Variants in ASB5 observed in about 807,000 individuals in gnomAD.
The protein encoded by ASB5 is ankyrin repeat and SOCS box protein 5.
Under a neutral mutation model 42.1 loss-of-function variants are expected in ASB5, and 45 were observed. The ratio of observed to expected loss-of-function variants is 1.07; its 90% confidence interval spans 0.84 to 1.37. The LOEUF is 1.37. Among genes scored for constraint, ASB5 ranks in the 40% most tolerant of loss-of-function variants. The pLI is 0.00. For synonymous variants in ASB5, 147 were observed against 150.6 expected (o/e 0.98, Z 0.18); for missense variants, 402 against 399.8 (o/e 1.01, Z -0.05).
Position 176,248,555 on chromosome 4 carries a change from C to T in ASB5, c.196+20358G>A, listed in dbSNP as rs114422235. Among the ~76,000 whole-genome samples the T allele has an allele frequency of 3.9e-3, 592 of 152,142 alleles. 6 individuals carry two copies. Among genetic ancestry groups the T allele is most frequent in the African/African-American group, 0.014 (569 of 41,500 alleles). On this transcript the variant is annotated intron_variant, in intron 1 of 6. Coordinates refer to ENST00000296525, the MANE Select transcript of ASB5 (RefSeq NM_080874.4). The stretch of plus-strand genomic sequence containing the variant: ...ACTGGAGATACACAGGCCCTATGAC[C>T]TGGAAATTTCACTTCTAGAGCTATA...
At chr4:176,254,404 A>G (rs748333509) in intron 1 of ASB5, among the ~76,000 whole-genome samples, 2 of 152,184 alleles carry the variant, frequency 1.3e-5, no homozygotes, top group African/African-American at 2.4e-5. Flanking sequence ...ACATACAAAA[A>G]TTAATTCAAA....
In ASB5 at chr4:176,221,239, G is replaced by T. The variant is rs906434029; in HGVS notation, c.586C>A (p.Gln196Lys). 6.2e-7 allele frequency: 1 copy of T among 1,614,060 alleles called. No homozygotes were observed. Among genetic ancestry groups the T allele is most frequent in the Non-Finnish European group, 8.5e-7 (1 of 1,179,984 alleles). The change falls in exon 5 of 7, where the codon CAA (glutamine) becomes AAA (lysine). Residue 196 changes from glutamine to lysine, a missense_variant. By Grantham distance (53) the Gln-to-Lys change is moderately conservative. Transcript: ENST00000296525. ...ILISWGIDVDQEIPHLGTPLY... is the reference protein window; with the variant it reads ...ILISWGIDVDKEIPHLGTPLY... ...GGAGTTCCCAAATGAGGAATTTCTTGGTCAACATCTATGCCCCAGGATATC... is the reference window on the plus strand; with the variant it reads ...GGAGTTCCCAAATGAGGAATTTCTTTGTCAACATCTATGCCCCAGGATATC...
chr4:176,241,890 T>A (rs1158086503), intron 1 of ASB5, among the ~76,000 whole-genome samples: 3 of 151,886 alleles, frequency 2.0e-5, no homozygotes. Flanking sequence ...GGGAAAAAAA[T>A]CATGAACGTG....
intron 1 of ASB5, among the ~76,000 whole-genome samples, chr4:176,261,622 G>T (rs1472683805): frequency 6.6e-6 from 1 of 152,012 alleles, no homozygotes; most frequent in Non-Finnish European, 1.5e-5. Flanking sequence ...AACCAAATAT[G>T]TTCTGCCTTT....
intron 1 of ASB5, among the ~76,000 whole-genome samples, chr4:176,244,975 A>G (rs972735580): frequency 6.6e-6 from 1 of 152,112 alleles, no homozygotes; most frequent in African/African-American, 2.4e-5. Context: ...AACAGCAACA[A>G]TAACAAAAAA....
At chr4:176,274,429 A>G (rs1305311555) in intron 2 of ASB5, among the ~76,000 whole-genome samples, 1 of 152,226 alleles carries the variant, frequency 6.6e-6, no homozygotes, top group Non-Finnish European at 1.5e-5. Context: ...AGCGGGTATC[A>G]TTATCCCTTC....
At chr4:176,242,661 T>C (rs889840436) in intron 1 of ASB5, among the ~76,000 whole-genome samples, 2 of 152,214 alleles carry the variant, frequency 1.3e-5, no homozygotes, top group African/African-American at 4.8e-5. Context: ...ACAGAGGTTG[T>C]CTGTCCAAAG....
chr4:176,232,304 G>A (rs1015840310), intron 1 of ASB5, among the ~76,000 whole-genome samples: 1 of 151,788 alleles, frequency 6.6e-6, no homozygotes, highest in African/African-American at 2.4e-5. Flanking sequence ...TGTATTTTTA[G>A]TAAAGATGGG....
chr4:176,250,980 A>T (rs1049972629), intron 1 of ASB5, among the ~76,000 whole-genome samples: 4 of 152,122 alleles, frequency 2.6e-5, no homozygotes, highest in African/African-American at 9.7e-5. Flanking sequence ...GCCAGCTTGA[A>T]ATTTTCAAAG....
rs766925682 is a variant in ASB5, at chr4:176,216,848, T to C, written c.832A>G (p.Met278Val). 3.7e-6 allele frequency: 6 copies of C among 1,605,186 alleles called. No individual in the cohort carries two copies. Among genetic ancestry groups the C allele is most frequent in the Middle Eastern group, 1.7e-4 (1 of 5,958 alleles). Reference sequence around the variant, plus strand: ...TGTTGAAGCAATATCCTTTCCACCATACTGCTAGACGTAGCTACATCTATA... The same window carrying C: ...TGTTGAAGCAATATCCTTTCCACCACACTGCTAGACGTAGCTACATCTATA... ...RPIDVATSSS[M>V]VERILLQHEA... Residue 278 changes from methionine to valine, a missense_variant, in exon 6 of 7, where the codon ATG becomes GTG. Physicochemically the swap from Met to Val is conservative, Grantham distance 21 (BLOSUM62 1). Coordinates refer to ENST00000296525, the MANE Select transcript of ASB5 (RefSeq NM_080874.4).
chr4:176,240,496 A>G (rs1753788578), intron 1 of ASB5, among the ~76,000 whole-genome samples: 1 of 152,202 alleles, frequency 6.6e-6, no homozygotes. Context: ...ACTGGAAACC[A>G]TCAAAGACAT....
intron 2 of ASB5, 38 bp from the exon 3 acceptor site, chr4:176,222,458 T>A: frequency 6.6e-7 from 1 of 1,512,694 alleles, no homozygotes. Context: ...AGCAAAGAGT[T>A]ATATACTTAA....
At chr4:176,234,013 T>A (rs1753618969) in intron 1 of ASB5, among the ~76,000 whole-genome samples, 1 of 152,174 alleles carries the variant, frequency 6.6e-6, no homozygotes, top group African/African-American at 2.4e-5. Flanking sequence ...ATTTTGCCTC[T>A]ATCATTTAAA....
chr4:176,249,824 G>A (rs563854827), intron 1 of ASB5, among the ~76,000 whole-genome samples: 1 of 152,204 alleles, frequency 6.6e-6, no homozygotes, highest in South Asian at 2.1e-4. Context: ...CCCGCACTTT[G>A]GGAGGCCGAG....
upstream of ASB5, among the ~76,000 whole-genome samples, chr4:176,270,024 T>A (rs1754439739): frequency 6.6e-6 from 1 of 152,210 alleles, no homozygotes; most frequent in South Asian, 2.1e-4. Flanking sequence ...TAATCTTTGT[T>A]AACCCAAATA....
At chr4:176,259,366 A>T (rs1414805043) in intron 1 of ASB5, among the ~76,000 whole-genome samples, 1 of 152,196 alleles carries the variant, frequency 6.6e-6, no homozygotes, top group African/African-American at 2.4e-5. Flanking sequence ...TACTTGATGA[A>T]TGACGGAAAC....
Position 176,228,848 on chromosome 4 carries a change from C to G in ASB5, c.197-3507G>C, listed in dbSNP as rs1434176168. Among the ~76,000 whole-genome samples the G allele has an allele frequency of 3.3e-5, 5 of 152,174 alleles. No individual in the cohort carries two copies. The East Asian group carries it at 9.6e-4, about 29-fold the overall frequency. On this transcript the variant is annotated intron_variant, in intron 1 of 6. Coordinates refer to ENST00000296525, the MANE Select transcript of ASB5 (RefSeq NM_080874.4). ...CCAGTTCCGGCTTCTAAGATGAAATCTGATGCTTTAAAAATCACAGGCATC... is the reference window on the plus strand; with the variant it reads ...CCAGTTCCGGCTTCTAAGATGAAATGTGATGCTTTAAAAATCACAGGCATC...
chr4:176,236,804 C>T (rs1389041535), intron 1 of ASB5, among the ~76,000 whole-genome samples: 2 of 152,068 alleles, frequency 1.3e-5, no homozygotes, highest in Non-Finnish European at 2.9e-5. Flanking sequence ...ATAATTCCTC[C>T]TCTTTGGTAC....
At chr4:176,237,591 C>T (rs1212287578) in intron 1 of ASB5, 12 of 984,840 alleles carry the variant, frequency 1.2e-5, no homozygotes, top group Non-Finnish European at 1.3e-5. Context: ...TATTCAGAAA[C>T]ACTTGGATCA....
Sources: gnomAD v4.1 joint callset for allele counts (sites outside exome capture counted in the v4.1 genomes callset) on GRCh38, gnomAD v4.1.1 for gene constraint, MANE v1.5 for transcripts, NCBI Gene and HGNC (gene_info 2026-07-23, HGNC 2026-07-21) for gene names.